Variants in ZDHHC21 observed in about 807,000 individuals in gnomAD.
ZDHHC21 encodes the protein zDHHC palmitoyltransferase 21.
ZDHHC21 carries 15 observed loss-of-function variants against 34.6 expected under a neutral mutation model. The ratio of observed to expected loss-of-function variants is 0.43; its 90% CI spans 0.29 to 0.67. ZDHHC21 has a LOEUF of 0.67. Ranked by LOEUF, ZDHHC21 falls within the 30% of genes least tolerant of loss-of-function variation. The pLI is 0.14. For missense variants in ZDHHC21, 344 were observed against 327.7 expected (o/e 1.05, Z -0.38); for synonymous variants, 142 against 101.8 (o/e 1.40, Z -2.38).
At chr9:14,626,998 C>A (rs1048331886) in intron 8 of ZDHHC21, among the ~76,000 whole-genome samples, 13 of 151,932 alleles carry the variant, frequency 8.6e-5, no homozygotes, top group African/African-American at 3.1e-4. Flanking sequence ...GAGCTGGGGT[C>A]AGCATAATTA....
chr9:14,605,552 T>C, the ZDHHC21 span, among the ~76,000 whole-genome samples: 2 of 149,436 alleles, frequency 1.3e-5, no homozygotes, highest in Non-Finnish European at 3.0e-5. Context: ...TTTTTTCTTC[T>C]ATTAAGTTGT....
intron 8 of ZDHHC21, among the ~76,000 whole-genome samples, chr9:14,627,058 C>G (rs537109950): frequency 6.6e-6 from 1 of 152,032 alleles, no homozygotes; most frequent in Non-Finnish European, 1.5e-5. Context: ...GTACATCAAA[C>G]ATAATTGTTA....
chr9:14,610,229 G>T (rs1315333110), downstream of ZDHHC21, among the ~76,000 whole-genome samples: 2 of 151,850 alleles, frequency 1.3e-5, no homozygotes, highest in Non-Finnish European at 2.9e-5. Flanking sequence ...TAAATGTAAA[G>T]GAGTCCTGAG....
At chr9:14,623,204 C>A (rs1231365852) in intron 8 of ZDHHC21, among the ~76,000 whole-genome samples, 1 of 151,014 alleles carries the variant, frequency 6.6e-6, no homozygotes, top group Non-Finnish European at 1.5e-5. Flanking sequence ...AAAAGCTCTG[C>A]ATAGCAAAGG....
At chr9:14,641,020 G>C (rs1829282037) in intron 7 of ZDHHC21, among the ~76,000 whole-genome samples, 1 of 152,136 alleles carries the variant, frequency 6.6e-6, no homozygotes, top group Non-Finnish European at 1.5e-5. Flanking sequence ...AAAGCACCAA[G>C]TGGATGGAAA....
chr9:14,669,928 G>A (rs1242399685), intron 5 of ZDHHC21, among the ~76,000 whole-genome samples: 5 of 148,256 alleles, frequency 3.4e-5, no homozygotes, highest in African/African-American at 1.0e-4. Flanking sequence ...TGGGTGCAGT[G>A]CACCAGCATG....
At chr9:14,599,787 C>T in the ZDHHC21 span, among the ~76,000 whole-genome samples, 1 of 151,768 alleles carries the variant, frequency 6.6e-6, no homozygotes, top group Non-Finnish European at 1.5e-5. Context: ...TCCAGCATCA[C>T]ATCAAAAAGC....
intron 6 of ZDHHC21, 35 bp downstream of exon 6, chr9:14,662,180 C>T: frequency 6.9e-7 from 1 of 1,448,456 alleles, no homozygotes; most frequent in Non-Finnish European, 9.4e-7. Context: ...TATTACCCAC[C>T]CCTCTTTTCT....
At chr9:14,600,852 C>T in the ZDHHC21 span, among the ~76,000 whole-genome samples, 2 of 152,188 alleles carry the variant, frequency 1.3e-5, no homozygotes, top group Non-Finnish European at 2.9e-5. Context: ...CGCCACACAT[C>T]TACAACCATC....
downstream of ZDHHC21, among the ~76,000 whole-genome samples, chr9:14,607,172 G>C (rs1477346891): frequency 6.6e-6 from 1 of 151,218 alleles, no homozygotes; most frequent in African/African-American, 2.5e-5. Context: ...GAAGAGGGTG[G>C]GCATGGTGGC....
the ZDHHC21 span, among the ~76,000 whole-genome samples, chr9:14,598,712 T>C: frequency 6.6e-6 from 1 of 152,078 alleles, no homozygotes; most frequent in East Asian, 1.9e-4. Context: ...CAATTCATGA[T>C]CTGAATGAGA....
intron 2 of ZDHHC21, among the ~76,000 whole-genome samples, chr9:14,681,365 G>A (rs1837340019): frequency 6.6e-6 from 1 of 152,026 alleles, no homozygotes; most frequent in South Asian, 2.1e-4. Flanking sequence ...CACTACAGCT[G>A]GGTACCACTG....
intron 7 of ZDHHC21, among the ~76,000 whole-genome samples, chr9:14,653,441 C>G (rs896303180): frequency 2.6e-5 from 4 of 151,898 alleles, no homozygotes; most frequent in African/African-American, 9.7e-5. Flanking sequence ...AAAAGAACTG[C>G]TGAAGTAAGA....
rs185195812 is a variant in ZDHHC21 at position 14,670,940 on chromosome 9, A to C, written c.253+1890T>G. Among the ~76,000 whole-genome samples the C allele has an allele frequency of 4.8e-3, 736 of 152,186 alleles. 6 individuals are homozygous for C. Among genetic ancestry groups the C allele is most frequent in the African/African-American group, 0.017 (707 of 41,548 alleles). On this transcript the variant is annotated intron_variant, in intron 5 of 9. Coordinates refer to ENST00000380916, the MANE Select transcript of ZDHHC21 (RefSeq NM_178566.6). ...TTTCCTTCCTTTACTCATGTCCACA[A>C]AGGATCTTGGCGACTGATACATTCT...
chr9:14,610,912 T>C (rs1823204017), downstream of ZDHHC21, among the ~76,000 whole-genome samples: 1 of 152,010 alleles, frequency 6.6e-6, no homozygotes, highest in Non-Finnish European at 1.5e-5. Flanking sequence ...TTAATGAATT[T>C]TGTGATTATG....
At position 14,683,294 on chromosome 9, in the gene ZDHHC21, G is replaced by C. The variant is rs1837707624; in HGVS notation, c.-175-3132C>G. On this transcript the variant is annotated intron_variant, in intron 2 of 9. Coordinates refer to ENST00000380916, the MANE Select transcript of ZDHHC21 (RefSeq NM_178566.6). ...TTTGAAAAGATCAACAAAATTGATA[G>C]ACCGCTAGCAAGACTAATAAAGAAG... Among the ~76,000 whole-genome samples the C allele has an allele frequency of 2.0e-5, 3 of 149,820 alleles. No individual in the cohort carries two copies. In the South Asian group the frequency reaches 6.5e-4, roughly 32 times the overall value.
chr9:14,670,124 G>T (rs912304106), intron 5 of ZDHHC21, among the ~76,000 whole-genome samples: 1 of 151,980 alleles, frequency 6.6e-6, no homozygotes, highest in African/African-American at 2.4e-5. Context: ...TCACTAAAAG[G>T]CGATATAAAA....
chr9:14,625,970 A>G (rs964103337), intron 8 of ZDHHC21, among the ~76,000 whole-genome samples: 2 of 151,972 alleles, frequency 1.3e-5, no homozygotes, highest in Non-Finnish European at 2.9e-5. Context: ...GGAAATAATT[A>G]TATAGTAACA....
intron 4 of ZDHHC21, 72 bp downstream of exon 4, chr9:14,674,115 T>G (rs1461445408): frequency 8.2e-6 from 8 of 971,620 alleles, no homozygotes; most frequent in African/African-American, 1.7e-5. Context: ...GTTATCATAG[T>G]GGCACTACAC....
Sources: allele counts gnomAD v4.1 joint callset (sites outside exome capture counted in the v4.1 genomes callset), GRCh38; gene constraint gnomAD v4.1.1; transcripts MANE v1.5; gene names NCBI Gene and HGNC (gene_info 2026-07-23, HGNC 2026-07-21).